Variants in NUP153 observed in about 807,000 individuals in gnomAD.
The protein encoded by NUP153 is nuclear pore complex protein Nup153.
A neutral mutation model predicts 134.6 loss-of-function variants in NUP153; 27 were observed. The observed-to-expected ratio is 0.20, with a 90% CI of 0.15 to 0.28. The LOEUF is 0.28. NUP153 is among the 10% of genes least tolerant of loss of function. The pLI, the probability that NUP153 is intolerant of heterozygous loss-of-function variation, is 1.00. For missense variants in NUP153, 1,821 were observed against 1,731.3 expected (o/e 1.05, Z -0.92); for synonymous variants, 640 against 623.5 (o/e 1.03, Z -0.40).
intron 16 of NUP153, among the ~76,000 whole-genome samples, chr6:17,636,476 G>A (rs1765556318): frequency 6.6e-6 from 1 of 152,074 alleles, no homozygotes; most frequent in African/African-American, 2.4e-5. Context: ...ACACAAAACT[G>A]CATATTCATG....
chr6:17,669,639 C>CA, intron 5 of NUP153, 93 bp from the exon 6 acceptor site: 1 of 843,854 alleles, frequency 1.2e-6, no homozygotes, highest in Non-Finnish European at 2.0e-6. Context: ...AATGGATGTC[C>CA]AAAGTAAAAC....
chr6:17,671,042 C>T (rs1767876800), intron 5 of NUP153, among the ~76,000 whole-genome samples: 1 of 152,090 alleles, frequency 6.6e-6, no homozygotes, highest in Non-Finnish European at 1.5e-5. Context: ...AACTCCTGAC[C>T]TCAGGTGATC....
chr6:17,706,682 C>A lies in NUP153; in HGVS notation c.-295G>T, dbSNP rs76591770. The A allele has an allele frequency of 6.9e-4, 327 of 470,748 alleles. 6 individuals carry two copies. In the East Asian group the frequency reaches 0.014, roughly 20 times the overall value. The allele number at this position is 470,748 out of a possible 1,614,324, so 29.2% of individuals were successfully genotyped here. A position where few individuals can be genotyped will look rare whatever the true frequency, so the allele number is the denominator to read the frequency against. On this transcript the variant is annotated 5_prime_UTR_variant, in exon 1 of 22. Coordinates refer to ENST00000262077, the MANE Select transcript of NUP153 (RefSeq NM_005124.4). This position sits in a 1 kb window ranked among gnomAD's most constrained non-coding sequence, Gnocchi z 5.9. ...TGTCACGGTCTCTATGGAGATCTCCCGCAGAGGACAGCACGAACAGTTCCC... is the reference window on the plus strand; with the variant it reads ...TGTCACGGTCTCTATGGAGATCTCCAGCAGAGGACAGCACGAACAGTTCCC...
At chr6:17,692,225 C>CAG (rs1171038655) in intron 1 of NUP153, among the ~76,000 whole-genome samples, 1 of 152,196 alleles carries the variant, frequency 6.6e-6, no homozygotes, top group Non-Finnish European at 1.5e-5. Flanking sequence ...ACTTAGATTA[C>CAG]AGACCGATTT....
At position 17,661,687 on chromosome 6, in the gene NUP153, G is replaced by T. The variant is rs1026884731; in HGVS notation, c.1361C>A (p.Thr454Lys). 3.7e-6 allele frequency: 6 copies of T among 1,613,750 alleles called. No individual in the cohort carries two copies. Among genetic ancestry groups the T allele is most frequent in the Non-Finnish European group, 5.1e-6 (6 of 1,179,878 alleles). Residue 454 changes from threonine to lysine, a missense_variant, in exon 11 of 22, where the codon ACA (threonine) becomes AAA (lysine). Transcript: ENST00000262077. ...GGGGKMRRER[T>K]RFVASKPLEE... ...CAGAGGTTTAGAAGCAACAAAGCGT[G>T]TTCTTTCTCGTCTCATCTTGCCACC...
At chr6:17,645,474 T>C (rs1034551931) in intron 14 of NUP153, among the ~76,000 whole-genome samples, 2 of 150,852 alleles carry the variant, frequency 1.3e-5, no homozygotes, top group African/African-American at 2.4e-5. Flanking sequence ...TTTCTTTTTT[T>C]TTTTTTTTCG....
intron 21 of NUP153, 79 bp downstream of exon 21, chr6:17,616,448 T>A: frequency 1.6e-6 from 2 of 1,268,430 alleles, no homozygotes; most frequent in South Asian, 1.5e-5. Context: ...GGAATCTTGA[T>A]GACTTTTAAA....
chr6:17,670,981 T>C (rs1254263815), intron 5 of NUP153, among the ~76,000 whole-genome samples: 2 of 152,034 alleles, frequency 1.3e-5, no homozygotes, highest in Non-Finnish European at 2.9e-5. Flanking sequence ...CGGCTAATTT[T>C]TGTATTTTTA....
At chr6:17,682,600 T>C (rs1330301898) in intron 2 of NUP153, among the ~76,000 whole-genome samples, 2 of 152,128 alleles carry the variant, frequency 1.3e-5, no homozygotes, top group African/African-American at 4.8e-5. Flanking sequence ...GCACAGTATC[T>C]TCACCAAGAG....
At chr6:17,629,597 AATGT>A in intron 17 of NUP153, 58 bp from the exon 18 acceptor site, 1 of 1,466,204 alleles carries the variant, frequency 6.8e-7, no homozygotes, top group East Asian at 2.3e-5. Flanking sequence ...TCTCAAACAA[AATGT>A]AAACACTGTG....
At chr6:17,658,619 G>A (rs968491109) in intron 11 of NUP153, among the ~76,000 whole-genome samples, 6 of 152,250 alleles carry the variant, frequency 3.9e-5, no homozygotes, top group African/African-American at 1.2e-4. Context: ...AGAACTCAAC[G>A]TTAGCCATTC....
rs1350392346 is a variant in NUP153, at chr6:17,706,799, C to G, written c.-412G>C. 5.3e-6 allele frequency: 1 copy of G among 189,594 alleles called. No homozygotes were observed. The highest frequency in any genetic ancestry group is 1.1e-5 in the Non-Finnish European group (1 of 90,600). 11.7% of individuals were successfully genotyped at this position (189,594 alleles called of 1,614,324 possible). The stretch of plus-strand genomic sequence containing the variant: ...CCGCAGTTGAAGCCGCTGGCGACGC[C>G]CGCCTACCCCTCCCCTGTGCGCACA... On this transcript the variant is annotated 5_prime_UTR_variant, in exon 1 of 22. Coordinates refer to ENST00000262077, the MANE Select transcript of NUP153 (RefSeq NM_005124.4). The surrounding 1 kb of genome is among the most constrained non-coding windows in gnomAD (Gnocchi z 5.9).
At chr6:17,692,516 C>T (rs920940139) in intron 1 of NUP153, among the ~76,000 whole-genome samples, 4 of 151,520 alleles carry the variant, frequency 2.6e-5, no homozygotes, top group Admixed American at 2.6e-4. Flanking sequence ...TTTCTAAAAA[C>T]AAAAAGACAA....
At chr6:17,671,776 G>A (rs1022005463) in intron 5 of NUP153, among the ~76,000 whole-genome samples, 2 of 152,158 alleles carry the variant, frequency 1.3e-5, no homozygotes, top group Non-Finnish European at 2.9e-5. Flanking sequence ...GGGAGGCCAA[G>A]GTGGGCGGAT....
intron 11 of NUP153, chr6:17,651,871 A>G (rs549869401): frequency 1.0e-5 from 7 of 676,742 alleles, no homozygotes; most frequent in South Asian, 9.2e-5. Context: ...AGATGGGATG[A>G]TCGCTTGAGC....
In NUP153 at chr6:17,637,350, C is replaced by T. The variant is rs551365253; in HGVS notation, c.2267G>A (p.Arg756Gln). The change falls in exon 16 of 22, where the codon CGA becomes CAA. Residue 756 changes from arginine (R) to glutamine (Q), a missense_variant. Transcript: ENST00000262077. ...ETPKPGTCVK[R>Q]ALTLTVVSES... ...CGAAACCACTGTCAATGTAAGGGCT[C>T]GCTTCACACAAGTTCCAGGTTTCGG... The T allele has an allele frequency of 1.3e-5, 21 of 1,614,176 alleles. No homozygotes were observed. Among genetic ancestry groups the T allele is most frequent in the African/African-American group, 5.3e-5 (4 of 75,042 alleles).
rs11428582 is a variant in NUP153 at position 17,678,352 on chromosome 6, C to CAAAAAAAAAAAAAAAAAAA, written c.335-2601_335-2583dup. ...GCCTGGTTGACAGAACCCTCTGTCT[C>CAAAAAAAAAAAAAAAAAAA]AAAAAAAAAAAAAAAAAAAAAAAGA... is the stretch of plus-strand genomic sequence containing the variant. On this transcript the variant is annotated intron_variant, in intron 2 of 21. Coordinates refer to ENST00000262077, the MANE Select transcript of NUP153 (RefSeq NM_005124.4). Among the ~76,000 whole-genome samples the CAAAAAAAAAAAAAAAAAAA allele has an allele frequency of 1.3e-3, 89 of 68,212 alleles. 3 individuals are homozygous for CAAAAAAAAAAAAAAAAAAA. Among genetic ancestry groups the CAAAAAAAAAAAAAAAAAAA allele is most frequent in the Non-Finnish European group, 1.8e-3 (67 of 36,720 alleles). 44.7% of individuals were successfully genotyped at this position (68,212 alleles called of 152,430 possible).
chr6:17,700,630 C>T (rs935797621), intron 1 of NUP153, among the ~76,000 whole-genome samples: 1 of 152,134 alleles, frequency 6.6e-6, no homozygotes, highest in South Asian at 2.1e-4. Context: ...TATCAGATAC[C>T]AGGCAGGACA....
chr6:17,617,981 C>A (rs1387010866), intron 20 of NUP153, among the ~76,000 whole-genome samples: 3 of 152,144 alleles, frequency 2.0e-5, no homozygotes, highest in South Asian at 4.1e-4. Context: ...GCAAGAATAT[C>A]ATTTTGAAAA....
Sources: gnomAD v4.1 joint callset for allele counts (sites outside exome capture counted in the v4.1 genomes callset) on GRCh38, gnomAD v4.1.1 for gene constraint, Gnocchi (gnomAD v3.1) non-coding constraint, MANE v1.5 for transcripts, NCBI Gene and HGNC (gene_info 2026-07-23, HGNC 2026-07-21) for gene names.